NRXN1: variants seen among roughly 807,000 people sequenced by gnomAD.
NRXN1 encodes neurexin-1.
Under a neutral mutation model 150.9 loss-of-function variants are expected in NRXN1, and 39 were observed. The observed-to-expected ratio is 0.26, with a 90% CI of 0.20 to 0.34. The LOEUF is 0.34. NRXN1 is among the 10% of genes least tolerant of loss of function. The pLI is 1.00. For synonymous variants in NRXN1, 924 were observed against 757.0 expected, an observed-to-expected ratio of 1.22 and a Z score of -3.62; for missense variants, 1,815 against 1,949.9, an observed-to-expected ratio of 0.93 and a Z score of 1.30.
At chr2:50,949,835 T>A (rs1199356822) in intron 2 of NRXN1, among the ~76,000 whole-genome samples, 1 of 152,114 alleles carries the variant, frequency 6.6e-6, no homozygotes, top group Non-Finnish European at 1.5e-5. Context: ...TTCCCACAGA[T>A]GAGTGGTTCC....
At chr2:50,030,774 A>G (rs2152567409) in intron 21 of NRXN1, among the ~76,000 whole-genome samples, 1 of 152,274 alleles carries the variant, frequency 6.6e-6, no homozygotes, top group Non-Finnish European at 1.5e-5. Context: ...ATGCATTTTC[A>G]TGTTAGCAGT....
At chr2:50,771,886 T>G (rs1034086349) in intron 5 of NRXN1, among the ~76,000 whole-genome samples, 1 of 152,090 alleles carries the variant, frequency 6.6e-6, no homozygotes, top group African/African-American at 2.4e-5. Context: ...CTAATAAAAC[T>G]TATCAGGGGT....
At chr2:50,956,281 A>G (rs979500860) in intron 2 of NRXN1, among the ~76,000 whole-genome samples, 22 of 152,256 alleles carry the variant, frequency 1.4e-4, no homozygotes, top group African/African-American at 5.1e-4. Flanking sequence ...ATTTTGTTAT[A>G]AATATGTATG....
chr2:50,163,791 T>C (rs569298195), intron 18 of NRXN1, among the ~76,000 whole-genome samples: 1 of 152,318 alleles, frequency 6.6e-6, no homozygotes, highest in African/African-American at 2.4e-5. Flanking sequence ...TTTAGGAAAG[T>C]GAATTACCAA....
intron 17 of NRXN1, among the ~76,000 whole-genome samples, chr2:50,316,620 C>G (rs551962539): frequency 4.6e-5 from 7 of 152,026 alleles, no homozygotes; most frequent in African/African-American, 1.4e-4. Context: ...ATATGAAACC[C>G]ACTCTTAAAG....
intron 5 of NRXN1, among the ~76,000 whole-genome samples, chr2:50,715,724 A>G (rs1695783569): frequency 6.6e-6 from 1 of 152,136 alleles, no homozygotes; most frequent in Non-Finnish European, 1.5e-5. Context: ...TATCTACATG[A>G]AAAATTCTTG....
chr2:50,695,171 T>C (rs1292350226), intron 5 of NRXN1, among the ~76,000 whole-genome samples: 1 of 151,794 alleles, frequency 6.6e-6, no homozygotes, highest in Non-Finnish European at 1.5e-5. Flanking sequence ...ATCAGTAACA[T>C]TTCAACCTGG....
Position 50,668,953 on chromosome 2 carries a change from TAAAAATCGCTGAGGATGGTGCTGGTCAGG to T in NRXN1, c.833-45367_833-45339del, listed in dbSNP as rs1688451091. 2.0e-5 allele frequency among the ~76,000 whole-genome samples: 3 copies of T among 151,968 alleles called. No individual in the cohort carries two copies. In the South Asian group the frequency reaches 6.2e-4, roughly 32 times the overall value. Reference sequence around the variant, plus strand: ...CATAGGCTGTTTTTCAGTGTCGAAATAAAAATCGCTGAGGATGGTGCTGGTCAGGGGATACAGGCCCTCCAGGTGATGAA... The same window carrying T: ...CATAGGCTGTTTTTCAGTGTCGAAATGGATACAGGCCCTCCAGGTGATGAA... On this transcript the variant is annotated intron_variant, in intron 5 of 22. Coordinates refer to ENST00000401669, the MANE Select transcript of NRXN1 (RefSeq NM_001330078.2).
At chr2:50,046,784 A>C in intron 21 of NRXN1, among the ~76,000 whole-genome samples, 1 of 152,150 alleles carries the variant, frequency 6.6e-6, no homozygotes, top group Non-Finnish European at 1.5e-5. Flanking sequence ...ATAGTGCCCC[A>C]ACATCCCACA....
intron 18 of NRXN1, among the ~76,000 whole-genome samples, chr2:50,135,746 T>C (rs1706306148): frequency 6.6e-6 from 1 of 152,024 alleles, no homozygotes; most frequent in Non-Finnish European, 1.5e-5. Flanking sequence ...AGCTGCCCAA[T>C]AATGTCTGAG....
chr2:50,095,905 T>G (rs1700154318), intron 18 of NRXN1, among the ~76,000 whole-genome samples: 1 of 151,714 alleles, frequency 6.6e-6, no homozygotes, highest in African/African-American at 2.4e-5. Flanking sequence ...TCATTGACAT[T>G]AGGTGTATCT....
chr2:50,107,257 TAAAA>T (rs3046682), intron 18 of NRXN1, among the ~76,000 whole-genome samples: 77,355 of 143,816 alleles, frequency 0.54, 21,532 homozygotes, highest in African/African-American at 0.7. Context: ...TCTGATACAT[TAAAA>T]AAAAAAAAAA....
intron 17 of NRXN1, among the ~76,000 whole-genome samples, chr2:50,270,847 C>A (rs145914002): frequency 6.6e-6 from 1 of 151,962 alleles, no homozygotes; most frequent in Non-Finnish European, 1.5e-5. Context: ...TTAGTAGAGA[C>A]GGGTTTTCAC....
intron 5 of NRXN1, chr2:50,898,610 A>G (rs1221372560): frequency 4.1e-6 from 2 of 486,470 alleles, no homozygotes; most frequent in Non-Finnish European, 4.1e-6. Flanking sequence ...TTGCTGTAAT[A>G]TTCTATGAGG....
intron 9 of NRXN1, among the ~76,000 whole-genome samples, chr2:50,544,944 T>A (rs1401171488): frequency 6.6e-6 from 1 of 152,178 alleles, no homozygotes; most frequent in East Asian, 1.9e-4. Flanking sequence ...AAAGCTATCT[T>A]TAAGTTTTTT....
At chr2:50,908,136 GGACCCTTAGTA>G (rs1410970634) in intron 5 of NRXN1, among the ~76,000 whole-genome samples, 1 of 151,956 alleles carries the variant, frequency 6.6e-6, no homozygotes, top group African/African-American at 2.4e-5. Flanking sequence ...ATCTTGCATA[GGACCCTTAGTA>G]GATAATTTAC....
chr2:50,882,214 A>T (rs907583511), intron 5 of NRXN1, among the ~76,000 whole-genome samples: 14 of 152,024 alleles, frequency 9.2e-5, no homozygotes, highest in Admixed American at 7.9e-4. Context: ...TTTCAGTTAC[A>T]CATATACTTT....
chr2:50,333,538 G>GGGGC (rs1406438636), intron 17 of NRXN1, among the ~76,000 whole-genome samples: 9 of 151,972 alleles, frequency 5.9e-5, no homozygotes, highest in African/African-American at 2.2e-4. Context: ...TGGTACAAAT[G>GGGGC]GGGCCTCTGG....
At chr2:50,085,834 C>A (rs546284140) in intron 19 of NRXN1, among the ~76,000 whole-genome samples, 1 of 152,194 alleles carries the variant, frequency 6.6e-6, no homozygotes, top group East Asian at 1.9e-4. Context: ...TAGGATCAAT[C>A]ATGTAAGTAA....
Sources: allele counts gnomAD v4.1 joint callset (sites outside exome capture counted in the v4.1 genomes callset), GRCh38; gene constraint gnomAD v4.1.1; transcripts MANE v1.5; gene names NCBI Gene and HGNC (gene_info 2026-07-23, HGNC 2026-07-21).